GFOD2: variants seen among roughly 807,000 people sequenced by gnomAD.
GFOD2 encodes the protein glucose-fructose oxidoreductase domain-containing protein 2.
In GFOD2, 9 loss-of-function variants were observed where a neutral mutation model predicts 24.6. The observed-to-expected ratio is 0.37, with a 90% CI of 0.22 to 0.64. The LOEUF (loss-of-function observed/expected upper bound fraction) is 0.64, where lower values mean the gene tolerates loss of function less well. GFOD2 is among the 30% of genes least tolerant of loss of function. The pLI is 0.65. For missense variants in GFOD2, 476 were observed against 532.5 expected, an observed-to-expected ratio of 0.89 and a Z score of 1.04; for synonymous variants, 211 against 224.8, an observed-to-expected ratio of 0.94 and a Z score of 0.55.
At chr16:67,688,117 A>C (rs1351209093) in intron 1 of GFOD2, among the ~76,000 whole-genome samples, 1 of 152,230 alleles carries the variant, frequency 6.6e-6, no homozygotes, top group Non-Finnish European at 1.5e-5. Flanking sequence ...AAAACCATGA[A>C]GTAGAAGGCC....
At position 67,695,399 on chromosome 16, in the gene GFOD2, T is replaced by A. The variant is rs371301251; in HGVS notation, c.-87-9597A>T. Among the ~76,000 whole-genome samples, 16 of 151,984 alleles carry A rather than the reference T, an allele frequency of 1.1e-4. No individual in the cohort carries two copies. The South Asian group carries it at 1.9e-3, about 18-fold the overall frequency. On this transcript the variant is annotated intron_variant, in intron 1 of 2. Coordinates refer to ENST00000268797, the MANE Select transcript of GFOD2 (RefSeq NM_030819.4). The stretch of plus-strand genomic sequence containing the variant: ...ACACAGTTATCTTCTACAATTTTCA[T>A]GTCCTGGACTCCCTTCGGCTATTTG...
chr16:67,688,846 C>A (rs1285137834), intron 1 of GFOD2, among the ~76,000 whole-genome samples: 1 of 150,184 alleles, frequency 6.7e-6, no homozygotes, highest in African/African-American at 2.5e-5. Context: ...GCCATTCTCC[C>A]GCCTCAGCCT....
rs905336292 is a variant in GFOD2 at position 67,674,978 on chromosome 16, C to T, written c.*177G>A. ...GGCAACAGGAACATTTGCCACCCTG[C>T]AAGTCTGAGGAGCAGATGAGCCACT... is the stretch of plus-strand genomic sequence containing the variant. On this transcript the variant is annotated 3_prime_UTR_variant, in exon 3 of 3. Transcript: ENST00000268797. The T allele has an allele frequency of 7.2e-5, 50 of 693,728 alleles. No individual in the cohort carries two copies. The highest frequency in any genetic ancestry group is 1.1e-4 in the Non-Finnish European group (47 of 416,546). 43.0% of individuals were successfully genotyped at this position (693,728 alleles called of 1,614,324 possible).
chr16:67,687,933 G>A (rs991807159), intron 1 of GFOD2, among the ~76,000 whole-genome samples: 2 of 152,158 alleles, frequency 1.3e-5, no homozygotes. Flanking sequence ...AGCTATGACA[G>A]TGCCACTGCA....
At chr16:67,701,670 T>C (rs1465432313) in intron 1 of GFOD2, among the ~76,000 whole-genome samples, 1 of 152,008 alleles carries the variant, frequency 6.6e-6, no homozygotes, top group Non-Finnish European at 1.5e-5. Flanking sequence ...GTATCTTGTC[T>C]AGGGTGGCAA....
rs2053182959 is a variant in GFOD2, at chr16:67,676,022, T to C, written c.291A>G (p.Ala97=). 21 of 1,612,970 alleles carry C rather than the reference T, an allele frequency of 1.3e-5. No homozygotes were observed. The highest frequency in any genetic ancestry group is 1.8e-5 in the Non-Finnish European group (21 of 1,179,360). ...TCCGGAAGGCATCCACCGATGTTGC[T>C]GCCTTCTCGCAAACCACATTCTTCC... ...GIGKNVVCEK[A]ATSVDAFRMV... Residue 97 remains alanine, a synonymous_variant, in exon 3 of 3, where the codon GCA becomes GCG. Coordinates refer to ENST00000268797, the MANE Select transcript of GFOD2 (RefSeq NM_030819.4).
At chr16:67,692,674 C>A (rs1198081476) in intron 1 of GFOD2, among the ~76,000 whole-genome samples, 1 of 148,510 alleles carries the variant, frequency 6.7e-6, no homozygotes, top group African/African-American at 2.5e-5. Flanking sequence ...ATACTAAATA[C>A]ATTTACAGGG....
chr16:67,675,716 C>T lies in GFOD2; in HGVS notation c.597G>A (p.Gly199=), dbSNP rs1247677171. The stretch of plus-strand genomic sequence containing the variant: ...TCTGCCTCACGAATGTCTTGAGCAG[C>T]CCGTGCACCTTCTCGGCTCTCCGGC... The part of the protein sequence containing the change: ...LTGRRAEKVH[G]LLKTFVRQNA... The change falls in exon 3 of 3, where the codon GGG becomes GGA. Residue 199 remains glycine, a synonymous_variant. Transcript: ENST00000268797. 1 of 1,614,056 alleles carries T rather than the reference C, an allele frequency of 6.2e-7. No homozygotes were observed. Among genetic ancestry groups the T allele is most frequent in the East Asian group, 2.2e-5 (1 of 44,880 alleles).
intron 1 of GFOD2, among the ~76,000 whole-genome samples, chr16:67,689,606 G>A (rs2053295920): frequency 6.6e-6 from 1 of 151,990 alleles, no homozygotes; most frequent in Non-Finnish European, 1.5e-5. Context: ...GGGAGGCGGA[G>A]GTTGCAGTGA....
intron 2 of GFOD2, among the ~76,000 whole-genome samples, chr16:67,678,643 T>A (rs895780502): frequency 2.6e-5 from 4 of 152,190 alleles, no homozygotes; most frequent in African/African-American, 7.2e-5. Flanking sequence ...ACTTCACTGC[T>A]AGATGATCTG....
chr16:67,676,504 G>C (rs919413729), intron 2 of GFOD2: 3 of 168,128 alleles, frequency 1.8e-5, no homozygotes, highest in African/African-American at 7.2e-5. Flanking sequence ...GGGCTAGAGA[G>C]GTGGGCACAC....
chr16:67,683,056 G>T (rs1162279340), intron 2 of GFOD2: 5 of 342,362 alleles, frequency 1.5e-5, no homozygotes, highest in African/African-American at 2.2e-5. Context: ...TATCTCCTGG[G>T]CTCAAGCGAT....
intron 2 of GFOD2, chr16:67,683,974 A>C (rs934997704): frequency 2.1e-5 from 19 of 906,256 alleles, no homozygotes; most frequent in Middle Eastern, 5.2e-4. Context: ...TAGTTGCCTC[A>C]ATTGGACTAT....
rs2053526953 is a variant in GFOD2, at chr16:67,719,158, C to T, written c.-88+5G>A. ...CCTCACCCGCCACCGGTGGCCGCCT[C>T]TCACCTGGCACGCTGGCATCGCCCA... On this transcript the variant is annotated splice_donor_5th_base_variant and intron_variant, in intron 1 of 2. Transcript: ENST00000268797. 2 of 152,290 alleles carry T rather than the reference C, an allele frequency of 1.3e-5. No individual in the cohort carries two copies. 9.4% of individuals were successfully genotyped at this position (152,290 alleles called of 1,614,324 possible).
chr16:67,705,360 ACC>A (rs2053431758), intron 1 of GFOD2, among the ~76,000 whole-genome samples: 1 of 152,152 alleles, frequency 6.6e-6, no homozygotes. Flanking sequence ...GGCATGTGCC[ACC>A]ATGCCCAGCT....
chr16:67,694,012 A>G (rs776285525), intron 1 of GFOD2, among the ~76,000 whole-genome samples: 1 of 151,778 alleles, frequency 6.6e-6, no homozygotes, highest in Non-Finnish European at 1.5e-5. Context: ...TTTAAGACAG[A>G]GTCTTGCTCT....
At chr16:67,682,516 C>T (rs2053234663) in intron 2 of GFOD2, 1 of 985,344 alleles carries the variant, frequency 1.0e-6, no homozygotes, top group Middle Eastern at 5.2e-4. Context: ...TATTAGGGCC[C>T]TTCCCCTCTC....
intron 1 of GFOD2, among the ~76,000 whole-genome samples, chr16:67,698,996 T>C (rs1451620795): frequency 1.3e-5 from 2 of 152,118 alleles, no homozygotes; most frequent in African/African-American, 4.8e-5. Context: ...TATAGACCAA[T>C]ACGTCTCATA....
intron 1 of GFOD2, among the ~76,000 whole-genome samples, chr16:67,693,509 C>A (rs2053332395): frequency 6.6e-6 from 1 of 152,068 alleles, no homozygotes; most frequent in South Asian, 2.1e-4. Flanking sequence ...TGGGCTCAAG[C>A]AATCCTCCTG....
Sources: gnomAD v4.1 joint callset for allele counts (sites outside exome capture counted in the v4.1 genomes callset) on GRCh38, gnomAD v4.1.1 for gene constraint, MANE v1.5 for transcripts, NCBI Gene and HGNC (gene_info 2026-07-23, HGNC 2026-07-21) for gene names.